The following RUBCNL variants were observed in gnomAD, a reference collection of about 807,000 sequenced individuals.
RUBCNL encodes the protein protein associated with UVRAG as autophagy enhancer.
Under a neutral mutation model 69.5 loss-of-function variants are expected in RUBCNL, and 62 were observed. The observed-to-expected ratio is 0.89, with a 90% CI of 0.73 to 1.10. RUBCNL has a LOEUF of 1.10. Ranked by LOEUF, RUBCNL falls within the 50% of genes least tolerant of loss-of-function variation. The pLI is 0.00. For synonymous variants in RUBCNL, 291 were observed against 303.6 expected, an observed-to-expected ratio of 0.96 and a Z score of 0.43; for missense variants, 768 against 798.1, an observed-to-expected ratio of 0.96 and a Z score of 0.45.
Position 46,372,505 on chromosome 13 carries a change from A to C in RUBCNL, c.-30T>G, listed in dbSNP as rs773830606. 1 of 1,563,378 alleles carries C rather than the reference A, an allele frequency of 6.4e-7. No individual in the cohort carries two copies. ...CCAGGCTTGTGGCTGGTGTGAATCC[A>C]TTCAAAACAGATAGGAGTTCCCTGA... On this transcript the variant is annotated 5_prime_UTR_variant, in exon 3 of 15. The change abolishes an upstream ATG in the 5' untranslated region. Transcript: ENST00000429979.
chr13:46,371,207 GA>G (rs2048868373), intron 3 of RUBCNL, among the ~76,000 whole-genome samples: 1 of 152,124 alleles, frequency 6.6e-6, no homozygotes, highest in Non-Finnish European at 1.5e-5. Flanking sequence ...TGCTTTGAAA[GA>G]AAAAGCTTCA....
At chr13:46,362,105 C>T (rs1213903166) in intron 7 of RUBCNL, among the ~76,000 whole-genome samples, 5 of 151,238 alleles carry the variant, frequency 3.3e-5, no homozygotes, top group African/African-American at 9.7e-5. Flanking sequence ...GGTGTGGTGG[C>T]AGGTGCCTAT....
At chr13:46,366,197 C>T (rs2048751334) in intron 5 of RUBCNL, among the ~76,000 whole-genome samples, 1 of 152,200 alleles carries the variant, frequency 6.6e-6, no homozygotes, top group Non-Finnish European at 1.5e-5. Context: ...ATCAGATTTC[C>T]CCGCCCCCTG....
At chr13:46,346,545 T>A (rs192829985) in intron 12 of RUBCNL, among the ~76,000 whole-genome samples, 8 of 152,314 alleles carry the variant, frequency 5.3e-5, no homozygotes. Context: ...TAATTTTTTT[T>A]ATCTGAAGCC....
intron 3 of RUBCNL, among the ~76,000 whole-genome samples, chr13:46,370,801 A>G (rs764935644): frequency 1.3e-4 from 19 of 151,902 alleles, no homozygotes; most frequent in Non-Finnish European, 2.4e-4. Flanking sequence ...TCTGTTGGGG[A>G]GAGGGCTTTC....
chr13:46,368,396 C>T lies in RUBCNL; in HGVS notation c.619-147G>A, dbSNP rs564746740. The stretch of plus-strand genomic sequence containing the variant: ...CATTTAACTGAGTTATCATAGGTCA[C>T]TCTATGACTTATAGCACACATTGTC... On this transcript the variant is annotated intron_variant, in intron 4 of 14. Coordinates refer to ENST00000429979, the MANE Select transcript of RUBCNL (RefSeq NM_025113.5). The T allele has an allele frequency of 4.2e-6, 6 of 1,417,874 alleles. No individual in the cohort carries two copies. The South Asian group carries it at 5.9e-5, about 14-fold the overall frequency. The allele number at this position is 1,417,874 out of a possible 1,614,324, so 87.8% of individuals were successfully genotyped here.
intron 8 of RUBCNL, among the ~76,000 whole-genome samples, chr13:46,360,158 G>A (rs1452413102): frequency 6.6e-6 from 1 of 152,096 alleles, no homozygotes; most frequent in Non-Finnish European, 1.5e-5. Flanking sequence ...GGAGGCCGAG[G>A]TGGGTGGATC....
upstream of RUBCNL, among the ~76,000 whole-genome samples, chr13:46,388,649 TA>T (rs770100643): frequency 1.2e-4 from 19 of 152,202 alleles, no homozygotes; most frequent in Non-Finnish European, 2.5e-4. Context: ...CCTGCACTGG[TA>T]ATGACACGTA....
rs1363337270 is a variant in RUBCNL, at chr13:46,341,156, A to T, written c.*2229T>A. The stretch of plus-strand genomic sequence containing the variant: ...GAATCATGACTGTAAATGACACACT[A>T]CTGGAATTGCCCATGTGAAGAGTGC... On this transcript the variant is annotated 3_prime_UTR_variant, in exon 15 of 15. Transcript: ENST00000429979. Among the ~76,000 whole-genome samples, 1 of 152,200 alleles carries T rather than the reference A, an allele frequency of 6.6e-6. No individual in the cohort carries two copies. The highest frequency in any genetic ancestry group is 1.5e-5 in the Non-Finnish European group (1 of 68,030).
At chr13:46,380,258 AG>A (rs1343315315) in intron 1 of RUBCNL, among the ~76,000 whole-genome samples, 1 of 152,220 alleles carries the variant, frequency 6.6e-6, no homozygotes, top group East Asian at 1.9e-4. Flanking sequence ...AAAGAACTGC[AG>A]GGTTGCCCAA....
intron 10 of RUBCNL, among the ~76,000 whole-genome samples, chr13:46,355,561 G>A (rs1395147704): frequency 1.3e-5 from 2 of 152,126 alleles, no homozygotes; most frequent in Non-Finnish European, 1.5e-5. Context: ...GCCTCCCAAA[G>A]TGCTGGGATT....
In RUBCNL at chr13:46,362,947, T is replaced by G. The variant is rs1157267632; in HGVS notation, c.925+168A>C. On this transcript the variant is annotated intron_variant, in intron 6 of 14. Transcript: ENST00000429979. The stretch of plus-strand genomic sequence containing the variant: ...TCATATATATATATATAGATATATA[T>G]ATATATATATATATATATATATATA... 5.7e-3 allele frequency among the ~76,000 whole-genome samples: 352 copies of G among 61,994 alleles called. 11 individuals carry two copies. Among genetic ancestry groups the G allele is most frequent in the Non-Finnish European group, 4.8e-3 (169 of 35,368 alleles). 40.7% of individuals were successfully genotyped at this position (61,994 alleles called of 152,430 possible). A position where few individuals can be genotyped will look rare whatever the true frequency, so the allele number is the denominator to read the frequency against.
intron 12 of RUBCNL, among the ~76,000 whole-genome samples, chr13:46,346,759 G>GA (rs71074773): frequency 0.31 from 46,991 of 151,768 alleles, 7,468 homozygotes; most frequent in Middle Eastern, 0.36. Context: ...ATTAGAGACT[G>GA]AAAAAAACGC....
intron 5 of RUBCNL, among the ~76,000 whole-genome samples, chr13:46,366,966 T>C (rs747685407): frequency 1.3e-5 from 2 of 152,066 alleles, no homozygotes; most frequent in African/African-American, 4.8e-5. Context: ...ACTGAAAACA[T>C]AGATTCAGGA....
intron 9 of RUBCNL, among the ~76,000 whole-genome samples, chr13:46,356,929 A>G (rs1011891976): frequency 7.0e-6 from 1 of 143,082 alleles, no homozygotes; most frequent in African/African-American, 2.6e-5. Flanking sequence ...GGGTCTCTCT[A>G]TGTTGCCCAC....
intron 2 of RUBCNL, among the ~76,000 whole-genome samples, chr13:46,376,723 T>C (rs949604305): frequency 6.6e-6 from 1 of 152,246 alleles, no homozygotes; most frequent in Non-Finnish European, 1.5e-5. Flanking sequence ...ATAACATTGT[T>C]AACCATTCTA....
Position 46,337,034 on chromosome 13 carries a change from G to C in RUBCNL, c.*6351C>G, listed in dbSNP as rs139430014. On this transcript the variant is annotated 3_prime_UTR_variant, in exon 15 of 15. Coordinates refer to ENST00000429979, the MANE Select transcript of RUBCNL (RefSeq NM_025113.5). ...AATTGTGACAGTATTAGGAGGTGGAGCCTTTAGGTGGTGATTAGGTCATGA... is the reference window on the plus strand; with the variant it reads ...AATTGTGACAGTATTAGGAGGTGGACCCTTTAGGTGGTGATTAGGTCATGA... Among the ~76,000 whole-genome samples, 262 of 152,200 alleles carry C rather than the reference G, an allele frequency of 1.7e-3. No homozygotes were observed. The highest frequency in any genetic ancestry group is 5.9e-3 in the African/African-American group (245 of 41,526).
At chr13:46,365,494 T>C (rs1436364753) in intron 5 of RUBCNL, among the ~76,000 whole-genome samples, 5 of 152,090 alleles carry the variant, frequency 3.3e-5, no homozygotes, top group Non-Finnish European at 7.4e-5. Context: ...GCACAACCTG[T>C]GTTTCATTCC....
chr13:46,354,742 C>T (rs1366605883), intron 10 of RUBCNL: 1 of 456,440 alleles, frequency 2.2e-6, no homozygotes, highest in Admixed American at 2.4e-5. Context: ...ACGTACATCA[C>T]TTTGTGTTAC....
Sources: gnomAD v4.1 joint callset for allele counts (sites outside exome capture counted in the v4.1 genomes callset) on GRCh38, gnomAD v4.1.1 for gene constraint, MANE v1.5 for transcripts, NCBI Gene and HGNC (gene_info 2026-07-23, HGNC 2026-07-21) for gene names.